The following ZBTB37 variants were observed in gnomAD, a reference collection of about 807,000 sequenced individuals.
The protein encoded by ZBTB37 is zinc finger and BTB domain-containing protein 37.
ZBTB37 carries 15 observed loss-of-function variants against 37.7 expected under a neutral mutation model. That is an observed-to-expected ratio of 0.40 (90% CI 0.27 to 0.61). ZBTB37 has a LOEUF of 0.61. ZBTB37 is among the 20% of genes least tolerant of loss of function. ZBTB37 has a pLI of 0.44. For missense variants in ZBTB37, 514 were observed against 641.9 expected (o/e 0.80, Z 2.15); for synonymous variants, 231 against 220.6 (o/e 1.05, Z -0.42).
downstream of ZBTB37, chr1:173,889,611 A>G (rs1470023892): frequency 1.3e-5 from 2 of 152,252 alleles, no homozygotes; most frequent in East Asian, 1.9e-4. Flanking sequence ...TAATACCAGT[A>G]TAAAATATAG....
chr1:173,875,856 A>G (rs1297322411), intron 4 of ZBTB37, among the ~76,000 whole-genome samples: 1 of 151,744 alleles, frequency 6.6e-6, no homozygotes, highest in African/African-American at 2.4e-5. Context: ...ATGGCGTTGC[A>G]CCAGTTTGCC....
intron 4 of ZBTB37, among the ~76,000 whole-genome samples, chr1:173,879,647 C>T (rs150215158): frequency 1.4e-4 from 22 of 152,244 alleles, no homozygotes; most frequent in Non-Finnish European, 2.2e-4. Context: ...CAAAAGAACA[C>T]GGAGAAGTAG....
chr1:173,871,074 T>C, exon 3 of ZBTB37: 1 of 1,614,166 alleles, frequency 6.2e-7, no homozygotes, highest in Non-Finnish European at 8.5e-7. Context: ...GCCATGGTTC[T>C]GTAGGACAGG....
chr1:173,873,529 C>G, exon 4 of ZBTB37: 1 of 1,613,982 alleles, frequency 6.2e-7, no homozygotes, highest in Non-Finnish European at 8.5e-7. Context: ...AGTGAGTCTC[C>G]TGGGAGAATG....
chr1:173,896,452 C>T (rs1657051373), exon 4 of ZBTB37: 1 of 152,116 alleles, frequency 6.6e-6, no homozygotes, highest in African/African-American at 2.4e-5. Flanking sequence ...CTATTACAGC[C>T]CTTTGGGCCC....
At chr1:173,878,148 G>A (rs186838706) in intron 4 of ZBTB37, among the ~76,000 whole-genome samples, 1 of 152,240 alleles carries the variant, frequency 6.6e-6, no homozygotes, top group East Asian at 1.9e-4. Context: ...TTCAGCCAAG[G>A]TCCAGCTCCT....
exon 5 of ZBTB37, chr1:173,886,054 C>T: frequency 6.4e-7 from 1 of 1,551,730 alleles, no homozygotes. Flanking sequence ...GAAGAGTCAC[C>T]TTCACAGGAA....
exon 5 of ZBTB37, chr1:173,886,417 G>A (rs189270488): frequency 3.2e-5 from 12 of 372,872 alleles, no homozygotes; most frequent in East Asian, 2.8e-4. Flanking sequence ...TTAACAAAAC[G>A]ATGATGATAA....
At chr1:173,899,570 A>G (rs140089662) in exon 4 of ZBTB37, 12 of 152,302 alleles carry the variant, frequency 7.9e-5, no homozygotes, top group African/African-American at 2.6e-4. Context: ...TTTCTATTAC[A>G]GGACTAGTTG....
exon 5 of ZBTB37, chr1:173,886,146 G>T: frequency 1.3e-6 from 2 of 1,540,868 alleles, no homozygotes; most frequent in South Asian, 2.4e-5. Flanking sequence ...GGAGGGGGCT[G>T]ACCCTCTTCC....
intron 4 of ZBTB37, among the ~76,000 whole-genome samples, chr1:173,881,399 TG>T (rs781465304): frequency 6.6e-6 from 1 of 152,260 alleles, no homozygotes; most frequent in Non-Finnish European, 1.5e-5. Flanking sequence ...TTGTGAACAG[TG>T]TCGCAATAAA....
At chr1:173,880,171 G>A (rs1284029344) in intron 4 of ZBTB37, among the ~76,000 whole-genome samples, 2 of 152,154 alleles carry the variant, frequency 1.3e-5, no homozygotes, top group African/African-American at 2.4e-5. Context: ...TTGTATCTCT[G>A]ACATTATCTT....
downstream of ZBTB37, chr1:173,888,648 T>TTG (rs1400861786): frequency 6.6e-6 from 1 of 152,054 alleles, no homozygotes; most frequent in Non-Finnish European, 1.5e-5. Flanking sequence ...TAGGTTGGTC[T>TTG]TGAACTCCTG....
At chr1:173,882,368 A>T (rs1166877039) in intron 4 of ZBTB37, among the ~76,000 whole-genome samples, 12 of 149,466 alleles carry the variant, frequency 8.0e-5, no homozygotes, top group African/African-American at 3.0e-4. Context: ...CAGCCTCCCG[A>T]GTAGCTGGGA....
At chr1:173,900,140 AAT>A (rs1491108589) in exon 4 of ZBTB37, 2 of 152,180 alleles carry the variant, frequency 1.3e-5, no homozygotes, top group African/African-American at 2.4e-5. Context: ...TGGTGATGGT[AAT>A]ATGTTTGATT....
intron 4 of ZBTB37, among the ~76,000 whole-genome samples, chr1:173,875,794 A>G (rs987071732): frequency 2.6e-5 from 4 of 151,828 alleles, no homozygotes; most frequent in South Asian, 2.1e-4. Flanking sequence ...AGCTGGAACC[A>G]CAGATGCGCA....
At chr1:173,871,958 C>T (rs1236220156) in intron 3 of ZBTB37, among the ~76,000 whole-genome samples, 1 of 152,170 alleles carries the variant, frequency 6.6e-6, no homozygotes, top group African/African-American at 2.4e-5. Context: ...TTTAAATTGA[C>T]TATATGAGCA....
downstream of ZBTB37, chr1:173,890,382 G>A (rs920770044): frequency 6.6e-6 from 1 of 152,166 alleles, no homozygotes; most frequent in African/African-American, 2.4e-5. Flanking sequence ...ATTTAATCAG[G>A]AAGAGTTGGA....
At chr1:173,878,327 G>A (rs907653962) in intron 4 of ZBTB37, among the ~76,000 whole-genome samples, 2 of 152,180 alleles carry the variant, frequency 1.3e-5, no homozygotes, top group African/African-American at 2.4e-5. Context: ...CTCCTTGAGA[G>A]CAGAGACCAC....
Sources: allele counts gnomAD v4.1 joint callset (sites outside exome capture counted in the v4.1 genomes callset), GRCh38; gene constraint gnomAD v4.1.1; transcripts MANE v1.5; gene names NCBI Gene and HGNC (gene_info 2026-07-23, HGNC 2026-07-21).